CCDC102B: variants seen among roughly 807,000 people sequenced by gnomAD.
CCDC102B encodes coiled-coil domain-containing protein 102B.
CCDC102B carries 75 observed loss-of-function variants against 57.4 expected under a neutral mutation model. The ratio of observed to expected loss-of-function variants is 1.31; its 90% CI spans 1.08 to 1.58. The LOEUF is 1.58. CCDC102B is among the 40% of genes most tolerant of loss of function. The pLI, the probability that CCDC102B is intolerant of heterozygous loss-of-function variation, is 0.00. For synonymous variants in CCDC102B, 206 were observed against 201.9 expected (o/e 1.02, Z -0.17); for missense variants, 636 against 582.6 (o/e 1.09, Z -0.94).
chr18:68,817,059 A>G (rs1345252255), intron 1 of CCDC102B, among the ~76,000 whole-genome samples: 1 of 152,156 alleles, frequency 6.6e-6, no homozygotes, highest in African/African-American at 2.4e-5. Context: ...AAATTATGCT[A>G]TTTTCCATTT....
At chr18:68,908,030 G>A (rs995237581) in intron 6 of CCDC102B, 1 of 151,906 alleles carries the variant, frequency 6.6e-6, no homozygotes, top group East Asian at 1.9e-4. Context: ...ATGCTTTTCT[G>A]CATCAACTGA....
At chr18:69,051,508 A>G (rs368195139) in intron 7 of CCDC102B, among the ~76,000 whole-genome samples, 42 of 152,038 alleles carry the variant, frequency 2.8e-4, no homozygotes, top group African/African-American at 9.6e-4. Context: ...AAATACAAAT[A>G]TAGTTCTTCA....
At chr18:68,965,165 A>G (rs1196989860) in intron 6 of CCDC102B, among the ~76,000 whole-genome samples, 1 of 151,832 alleles carries the variant, frequency 6.6e-6, no homozygotes, top group Non-Finnish European at 1.5e-5. Flanking sequence ...TTCTATTCCT[A>G]TCCTTCTAGG....
At chr18:69,002,045 T>A (rs1190430747) in intron 6 of CCDC102B, among the ~76,000 whole-genome samples, 1 of 152,188 alleles carries the variant, frequency 6.6e-6, no homozygotes, top group Non-Finnish European at 1.5e-5. Context: ...CATTAGCATG[T>A]GACACAACTT....
intron 6 of CCDC102B, among the ~76,000 whole-genome samples, chr18:68,989,182 G>T (rs2050799866): frequency 1.3e-5 from 2 of 152,136 alleles, no homozygotes; most frequent in Non-Finnish European, 2.9e-5. Context: ...CTATGCATCA[G>T]ATACAAACTA....
chr18:68,888,560 G>A (rs1230359160), intron 5 of CCDC102B, among the ~76,000 whole-genome samples: 1 of 152,188 alleles, frequency 6.6e-6, no homozygotes, highest in Non-Finnish European at 1.5e-5. Flanking sequence ...CCAGATGCCA[G>A]TAGTACTTCT....
chr18:69,007,601 C>A (rs1160285621), intron 6 of CCDC102B, among the ~76,000 whole-genome samples: 1 of 152,188 alleles, frequency 6.6e-6, no homozygotes, highest in Non-Finnish European at 1.5e-5. Flanking sequence ...ACTTGTTAAA[C>A]CCACAGCTTC....
At chr18:68,785,224 T>C (rs1383953481) in intron 2 of CCDC102B, among the ~76,000 whole-genome samples, 1 of 151,944 alleles carries the variant, frequency 6.6e-6, no homozygotes, top group Non-Finnish European at 1.5e-5. Flanking sequence ...ATCCAGTCTA[T>C]CATTGTTGGA....
intron 2 of CCDC102B, among the ~76,000 whole-genome samples, chr18:68,730,442 A>G (rs1280703898): frequency 6.6e-6 from 1 of 152,198 alleles, no homozygotes; most frequent in East Asian, 1.9e-4. Flanking sequence ...TCACTTAGAT[A>G]CTTTTCCAGG....
intron 5 of CCDC102B, among the ~76,000 whole-genome samples, chr18:68,891,795 C>T (rs1365096419): frequency 2.0e-5 from 3 of 152,126 alleles, no homozygotes; most frequent in Non-Finnish European, 4.4e-5. Context: ...TGGATTAAGG[C>T]CCCACCCTAA....
At chr18:68,782,703 C>A (rs2035047538) in intron 2 of CCDC102B, among the ~76,000 whole-genome samples, 1 of 152,066 alleles carries the variant, frequency 6.6e-6, no homozygotes, top group African/African-American at 2.4e-5. Flanking sequence ...TTAACCAAAA[C>A]TAAATGAAAT....
intron 2 of CCDC102B, among the ~76,000 whole-genome samples, chr18:68,740,743 A>C (rs1406817185): frequency 6.6e-6 from 1 of 152,164 alleles, no homozygotes; most frequent in African/African-American, 2.4e-5. Context: ...CATCCCTCAC[A>C]CTAACCTAGG....
intron 7 of CCDC102B, among the ~76,000 whole-genome samples, chr18:69,023,377 A>G (rs1286789209): frequency 2.0e-5 from 3 of 152,172 alleles, no homozygotes; most frequent in Non-Finnish European, 4.4e-5. Flanking sequence ...CACATAATTG[A>G]TTGAACTAGG....
chr18:68,993,855 G>C (rs1219662527), intron 6 of CCDC102B, among the ~76,000 whole-genome samples: 1 of 152,138 alleles, frequency 6.6e-6, no homozygotes. Flanking sequence ...GGTATCACTA[G>C]ATTGTTCTCC....
chr18:68,950,254 T>C (rs1461712921), intron 6 of CCDC102B, among the ~76,000 whole-genome samples: 1 of 152,102 alleles, frequency 6.6e-6, no homozygotes, highest in Non-Finnish European at 1.5e-5. Context: ...AATGTATAGA[T>C]GTGAATTGGC....
At chr18:68,886,813 G>A (rs1414334084) in intron 5 of CCDC102B, among the ~76,000 whole-genome samples, 1 of 151,950 alleles carries the variant, frequency 6.6e-6, no homozygotes, top group African/African-American at 2.4e-5. Context: ...CAATGCTGGT[G>A]TTTATTCCAT....
At chr18:68,870,977 G>A (rs999863410) in intron 4 of CCDC102B, among the ~76,000 whole-genome samples, 3 of 151,814 alleles carry the variant, frequency 2.0e-5, no homozygotes, top group East Asian at 1.9e-4. Flanking sequence ...CTTAGACATC[G>A]TCTTCAGTTT....
At chr18:68,963,703 C>T (rs4407155) in intron 6 of CCDC102B, among the ~76,000 whole-genome samples, 3,649 of 151,924 alleles carry the variant, frequency 0.024, 69 homozygotes, top group Non-Finnish European at 0.036. Context: ...CTAACAACTT[C>T]TGATGACACT....
intron 6 of CCDC102B, among the ~76,000 whole-genome samples, chr18:68,944,939 GATTCC>G (rs2049490546): frequency 6.6e-6 from 1 of 151,962 alleles, no homozygotes; most frequent in African/African-American, 2.4e-5. Context: ...AATCTCTTGT[GATTCC>G]AGTTTCACCA....
Sources: allele counts gnomAD v4.1 joint callset (sites outside exome capture counted in the v4.1 genomes callset), GRCh38; gene constraint gnomAD v4.1.1; transcripts MANE v1.5; gene names NCBI Gene and HGNC (gene_info 2026-07-23, HGNC 2026-07-21).